CSRP1: variants seen among roughly 807,000 people sequenced by gnomAD.
CSRP1 encodes the protein cysteine and glycine-rich protein 1.
Under a neutral mutation model 25.4 loss-of-function variants are expected in CSRP1, and 16 were observed. That is an observed-to-expected ratio of 0.63 (90% CI 0.43 to 0.96). CSRP1 has a LOEUF of 0.96. Ranked by LOEUF, CSRP1 falls within the 40% of genes least tolerant of loss-of-function variation. The probability of loss-of-function intolerance (pLI) is 0.00; values close to 1 mark genes in which losing one functional copy is unlikely to be tolerated. For synonymous variants in CSRP1, 97 were observed against 95.3 expected, an observed-to-expected ratio of 1.02 and a Z score of -0.10; for missense variants, 212 against 243.6, an observed-to-expected ratio of 0.87 and a Z score of 0.86.
At chr1:201,500,673 A>T (rs1287651400) in intron 1 of CSRP1, among the ~76,000 whole-genome samples, 1 of 152,188 alleles carries the variant, frequency 6.6e-6, no homozygotes, top group African/African-American at 2.4e-5. Flanking sequence ...CCACAAGAGG[A>T]CCCCTCCAGG....
rs767061450 is a variant in CSRP1, at chr1:201,497,610, G to A, written c.-1-1306C>T. 3.3e-5 allele frequency among the ~76,000 whole-genome samples: 5 copies of A among 152,154 alleles called. No homozygotes were observed. In the South Asian group the frequency reaches 6.2e-4, roughly 19 times the overall value. On this transcript the variant is annotated intron_variant, in intron 1 of 5. Transcript: ENST00000340006. ...CTCTAGGTGTTGGTTCAGAGCTGGC[G>A]TCCTGATGCCATGCAGGTTTGGCTC...
chr1:201,491,028 G>A (rs1447603861), intron 2 of CSRP1: 1 of 152,290 alleles, frequency 6.6e-6, no homozygotes, highest in Non-Finnish European at 1.5e-5. Context: ...TGGGGTAAGA[G>A]AGAGTGGAAC....
chr1:201,488,724 A>G, intron 4 of CSRP1, 131 bp downstream of exon 4: 2 of 1,060,814 alleles, frequency 1.9e-6, no homozygotes, highest in South Asian at 3.2e-5. Flanking sequence ...CCACAGGGAC[A>G]AAGAGAAGAG....
chr1:201,484,798 AGAG>A lies in CSRP1; in HGVS notation c.506-12_506-10del, dbSNP rs1340627123. ...GTTTTTAGCATAACATCCTGCAGAG[AGAG>A]GAGAGAGATAAGGGCATGTTCTTCC... On this transcript the variant is annotated splice_polypyrimidine_tract_variant and intron_variant, in intron 5 of 5. Transcript: ENST00000340006. 1 of 1,609,536 alleles carries A rather than the reference AGAG, an allele frequency of 6.2e-7. No individual in the cohort carries two copies. The highest frequency in any genetic ancestry group is 1.1e-5 in the South Asian group (1 of 89,706).
chr1:201,503,174 G>A (rs955341329), intron 1 of CSRP1, among the ~76,000 whole-genome samples: 1 of 152,130 alleles, frequency 6.6e-6, no homozygotes, highest in Non-Finnish European at 1.5e-5. Flanking sequence ...GGTCAACACA[G>A]GTAGAAATGG....
intron 4 of CSRP1, chr1:201,486,356 A>T: frequency 1.0e-6 from 1 of 985,528 alleles, no homozygotes; most frequent in Non-Finnish European, 1.2e-6. Flanking sequence ...TTAACCCAGG[A>T]AAAGCAAGAG....
At position 201,483,865 on chromosome 1, in the gene CSRP1, G is replaced by C; in HGVS notation, c.*848C>G. The C allele has an allele frequency of 1.7e-6, 1 of 588,656 alleles. No individual in the cohort carries two copies. The highest frequency in any genetic ancestry group is 2.1e-5 in the South Asian group (1 of 48,344). 36.5% of individuals were successfully genotyped at this position (588,656 alleles called of 1,614,324 possible). ...CCCTCCACATCTGAGGATCAAGCAG[G>C]TGTGGCAAGAACAGAGCCCTGGCCT... is the stretch of plus-strand genomic sequence containing the variant. On this transcript the variant is annotated 3_prime_UTR_variant, in exon 6 of 6. Coordinates refer to ENST00000340006, the MANE Select transcript of CSRP1 (RefSeq NM_004078.3).
intron 2 of CSRP1, chr1:201,492,794 G>A (rs1236636793): frequency 6.6e-6 from 1 of 152,304 alleles, no homozygotes; most frequent in Non-Finnish European, 1.5e-5. Context: ...CTCCAGACCT[G>A]GTGGTTTTCT....
intron 2 of CSRP1, chr1:201,491,706 C>T (rs1033131739): frequency 6.6e-6 from 1 of 152,170 alleles, no homozygotes; most frequent in Non-Finnish European, 1.5e-5. Context: ...GTCCTGTAAT[C>T]CTAATTCGGT....
intron 2 of CSRP1, chr1:201,490,891 A>G (rs1172580729): frequency 6.6e-6 from 1 of 152,408 alleles, no homozygotes; most frequent in Admixed American, 6.5e-5. Context: ...TTAAGTGCCC[A>G]ACATGGTGGG....
In CSRP1 at chr1:201,483,894, C is replaced by A. The variant is rs56242749; in HGVS notation, c.*819G>T. Reference sequence around the variant, plus strand: ...GGCAAGAACAGAGCCCTGGCCTGGGCTCTGCTGGCCGCAGCCTCAGGAGCC... The same window carrying A: ...GGCAAGAACAGAGCCCTGGCCTGGGATCTGCTGGCCGCAGCCTCAGGAGCC... On this transcript the variant is annotated 3_prime_UTR_variant, in exon 6 of 6. Coordinates refer to ENST00000340006, the MANE Select transcript of CSRP1 (RefSeq NM_004078.3). The A allele has an allele frequency of 6.5e-3, 4,126 of 639,502 alleles. 120 individuals carry two copies. In the African/African-American group the frequency reaches 0.065, roughly 10 times the overall value. 39.6% of individuals were successfully genotyped at this position (639,502 alleles called of 1,614,324 possible).
At chr1:201,497,038 T>C (rs2102412018) in intron 1 of CSRP1, among the ~76,000 whole-genome samples, 1 of 152,278 alleles carries the variant, frequency 6.6e-6, no homozygotes, top group East Asian at 1.9e-4. Context: ...GAAAAAAGTT[T>C]TTTTTGTTTT....
intron 3 of CSRP1, chr1:201,489,905 G>C (rs947382442): frequency 2.5e-5 from 9 of 361,618 alleles, no homozygotes; most frequent in African/African-American, 1.9e-4. Flanking sequence ...TGGACTAAGT[G>C]ATTCTTGGGG....
At chr1:201,488,802 C>T (rs1664231179) in intron 4 of CSRP1, 53 bp downstream of exon 4, 2 of 1,598,784 alleles carry the variant, frequency 1.3e-6, no homozygotes, top group Non-Finnish European at 1.7e-6. Context: ...CTGGAATCCA[C>T]ATTTCAGGAA....
chr1:201,506,082 G>A (rs1018169114), intron 1 of CSRP1, among the ~76,000 whole-genome samples: 1 of 152,202 alleles, frequency 6.6e-6, no homozygotes, highest in African/African-American at 2.4e-5. Context: ...AAACCTGCGC[G>A]TTAAGTGGCA....
chr1:201,494,267 C>T (rs551109114), intron 2 of CSRP1, among the ~76,000 whole-genome samples: 1 of 152,248 alleles, frequency 6.6e-6, no homozygotes, highest in South Asian at 2.1e-4. Flanking sequence ...AGGCAGGCAC[C>T]CCCGCCCACA....
intron 1 of CSRP1, among the ~76,000 whole-genome samples, chr1:201,506,290 C>G (rs539364215): frequency 6.6e-6 from 1 of 152,274 alleles, no homozygotes; most frequent in Non-Finnish European, 1.5e-5. Flanking sequence ...GCCCAGGGCT[C>G]TAGGCAGAGC....
At position 201,484,357 on chromosome 1, in the gene CSRP1, G is replaced by A; in HGVS notation, c.*356C>T. On this transcript the variant is annotated 3_prime_UTR_variant, in exon 6 of 6. Coordinates refer to ENST00000340006, the MANE Select transcript of CSRP1 (RefSeq NM_004078.3). Reference sequence around the variant, plus strand: ...GCCTGTTGCTGCTGCTCCTCTGGGTGCCAAGATGTGTCCTCAGGTGTCTTG... The same window carrying A: ...GCCTGTTGCTGCTGCTCCTCTGGGTACCAAGATGTGTCCTCAGGTGTCTTG... 4.0e-6 allele frequency: 2 copies of A among 500,292 alleles called. No individual in the cohort carries two copies. The highest frequency in any genetic ancestry group is 7.2e-6 in the Non-Finnish European group (2 of 278,462). 31.0% of individuals were successfully genotyped at this position (500,292 alleles called of 1,614,324 possible).
At chr1:201,494,849 C>T (rs34671394) in intron 2 of CSRP1, among the ~76,000 whole-genome samples, 69,394 of 151,890 alleles carry the variant, frequency 0.46, 17,078 homozygotes, top group East Asian at 0.9. Flanking sequence ...TGCGTGTGCA[C>T]GTGTGTGCGC....
Sources: gnomAD v4.1 joint callset for allele counts (sites outside exome capture counted in the v4.1 genomes callset) on GRCh38, gnomAD v4.1.1 for gene constraint, MANE v1.5 for transcripts, NCBI Gene and HGNC (gene_info 2026-07-23, HGNC 2026-07-21) for gene names.